The following PHGDH variants were observed in gnomAD, a reference collection of about 807,000 sequenced individuals.
PHGDH encodes the protein phosphoglycerate dehydrogenase, also known as D-3-phosphoglycerate dehydrogenase.
Under a neutral mutation model 52.6 loss-of-function variants are expected in PHGDH, and 50 were observed. The observed-to-expected ratio is 0.95, with a 90% CI of 0.76 to 1.20. PHGDH has a LOEUF of 1.20. PHGDH is among the 50% of genes most tolerant of loss of function. PHGDH has a pLI of 0.00. For missense variants in PHGDH, 630 were observed against 684.6 expected, an observed-to-expected ratio of 0.92 and a Z score of 0.89; for synonymous variants, 271 against 280.5, an observed-to-expected ratio of 0.97 and a Z score of 0.34.
chr1:119,712,305 G>C (rs1441986224), intron 1 of PHGDH, 145 bp downstream of exon 1: 18 of 730,470 alleles, frequency 2.5e-5, no homozygotes, highest in Non-Finnish European at 4.4e-5. Flanking sequence ...AGAGAAGAAC[G>C]GGGGCGGGAG....
chr1:119,743,568 G>C (rs966118820), intron 11 of PHGDH, among the ~76,000 whole-genome samples: 1 of 152,242 alleles, frequency 6.6e-6, no homozygotes, highest in Non-Finnish European at 1.5e-5. Flanking sequence ...AAACCCTGAA[G>C]GGCCTAATTT....
intron 11 of PHGDH, 74 bp downstream of exon 11, chr1:119,743,118 C>A: frequency 1.1e-6 from 1 of 938,594 alleles, no homozygotes; most frequent in South Asian, 1.3e-5. Context: ...TGAACTCTAC[C>A]CACCTTCCTT....
At chr1:119,732,757 C>G (rs934809357) in intron 5 of PHGDH, among the ~76,000 whole-genome samples, 1 of 152,224 alleles carries the variant, frequency 6.6e-6, no homozygotes. Flanking sequence ...TCCCCAACCC[C>G]CTCCCTCCAG....
intron 7 of PHGDH, among the ~76,000 whole-genome samples, chr1:119,736,720 T>TAAC (rs769579390): frequency 1.3e-5 from 2 of 152,176 alleles, no homozygotes; most frequent in Non-Finnish European, 2.9e-5. Flanking sequence ...AAAAGCCCAG[T>TAAC]AACAACAACA....
chr1:119,725,224 T>C (rs1328604792), intron 3 of PHGDH, among the ~76,000 whole-genome samples: 1 of 152,204 alleles, frequency 6.6e-6, no homozygotes, highest in Non-Finnish European at 1.5e-5. Context: ...ATTAGAGTCC[T>C]CTCCAGTCTG....
At chr1:119,715,566 C>T (rs1297924906) in intron 1 of PHGDH, among the ~76,000 whole-genome samples, 3 of 152,084 alleles carry the variant, frequency 2.0e-5, no homozygotes, top group Non-Finnish European at 2.9e-5. Context: ...CATGGCAATG[C>T]TAGAATTACC....
At chr1:119,723,509 A>T in intron 3 of PHGDH, 68 bp downstream of exon 3, 1 of 1,214,920 alleles carries the variant, frequency 8.2e-7, no homozygotes, top group Non-Finnish European at 1.2e-6. Flanking sequence ...TGCCAAGCAA[A>T]TGGACCCAGA....
At chr1:119,716,594 G>A (rs1211350780) in intron 1 of PHGDH, among the ~76,000 whole-genome samples, 1 of 152,058 alleles carries the variant, frequency 6.6e-6, no homozygotes, top group African/African-American at 2.4e-5. Flanking sequence ...AGCAGGACTG[G>A]GCCTGAGATG....
chr1:119,732,979 G>A (rs539304), intron 5 of PHGDH, among the ~76,000 whole-genome samples: 22,919 of 152,190 alleles, frequency 0.15, 1,902 homozygotes, highest in Middle Eastern at 0.26. Flanking sequence ...TGTTCTGGCC[G>A]GCCTCAGGGC....
chr1:119,714,939 GT>G (rs1650858812), intron 1 of PHGDH, among the ~76,000 whole-genome samples: 1 of 152,146 alleles, frequency 6.6e-6, no homozygotes, highest in African/African-American at 2.4e-5. Flanking sequence ...ACAAAGATGT[GT>G]TTCTTACAAT....
At chr1:119,716,097 T>C (rs1271411777) in intron 1 of PHGDH, among the ~76,000 whole-genome samples, 1 of 152,064 alleles carries the variant, frequency 6.6e-6, no homozygotes, top group African/African-American at 2.4e-5. Flanking sequence ...TCTGTGAATA[T>C]GTGCTGATTG....
chr1:119,720,446 C>T (rs2101153011), intron 1 of PHGDH: 1 of 152,440 alleles, frequency 6.6e-6, no homozygotes, highest in East Asian at 1.9e-4. Context: ...AGTGCCTTCC[C>T]TGTATCAGGG....
At position 119,727,129 on chromosome 1, in the gene PHGDH, G is replaced by A. The variant is rs753999467; in HGVS notation, c.510+27G>A. ...TAAGATGTTGCTGGAACCCTGTGAT[G>A]TGGGACTTTCTGCAGCAATTTTGGG... is the stretch of plus-strand genomic sequence containing the variant. On this transcript the variant is annotated intron_variant, in intron 5 of 11. Transcript: ENST00000641023. 127 of 1,385,298 alleles carry A rather than the reference G, an allele frequency of 9.2e-5. 2 individuals carry two copies. The South Asian group carries it at 1.2e-3, about 13-fold the overall frequency. 85.8% of individuals were successfully genotyped at this position (1,385,298 alleles called of 1,614,324 possible). A position where few individuals can be genotyped will look rare whatever the true frequency, so the allele number is the denominator to read the frequency against.
intron 1 of PHGDH, among the ~76,000 whole-genome samples, chr1:119,717,232 C>CAAAAAAAAAAAAAAAA (rs58549149): frequency 5.4e-5 from 2 of 37,352 alleles, no homozygotes; most frequent in African/African-American, 1.1e-4. Flanking sequence ...AACTCTGTCT[C>CAAAAAAAAAAAAAAAA]AAAAAAAAAA....
At position 119,711,996 on chromosome 1, in the gene PHGDH, C is replaced by G. The variant is rs141640017; in HGVS notation, c.-27C>G. On this transcript the variant is annotated 5_prime_UTR_variant, in exon 1 of 12. Transcript: ENST00000641023. ...TTGGCTTAGGTACTTCTACTCACAG[C>G]GGCCGATTCCGAGGCCAACTCCAGC... The G allele has an allele frequency of 1.7e-5, 28 of 1,613,054 alleles. No homozygotes were observed. The highest frequency in any genetic ancestry group is 2.4e-5 in the Non-Finnish European group (28 of 1,179,602).
chr1:119,729,828 T>C (rs587657598), intron 5 of PHGDH: 1 of 152,366 alleles, frequency 6.6e-6, no homozygotes, highest in East Asian at 1.9e-4. Context: ...GGTCACCCAC[T>C]GAATGTTTTA....
intron 1 of PHGDH, chr1:119,720,718 G>A (rs1342688966): frequency 4.1e-6 from 1 of 242,874 alleles, no homozygotes; most frequent in Non-Finnish European, 8.2e-6. Flanking sequence ...TCTTTCTTTG[G>A]ATATATCAAA....
chr1:119,735,144 A>G (rs1280687394), intron 6 of PHGDH, 151 bp from the exon 7 acceptor site: 3 of 962,694 alleles, frequency 3.1e-6, no homozygotes, highest in Non-Finnish European at 5.0e-6. Context: ...GCATCTGAGG[A>G]GGAAGAGATG....
chr1:119,739,763 C>G (rs587726047), intron 8 of PHGDH: 3 of 152,548 alleles, frequency 2.0e-5, no homozygotes, highest in African/African-American at 7.2e-5. Flanking sequence ...GTTATCAGGC[C>G]CCTGGGTGGG....
Sources: gnomAD v4.1 joint callset for allele counts (sites outside exome capture counted in the v4.1 genomes callset) on GRCh38, gnomAD v4.1.1 for gene constraint, MANE v1.5 for transcripts, NCBI Gene and HGNC (gene_info 2026-07-23, HGNC 2026-07-21) for gene names.